Variants in ITM2B observed in about 807,000 individuals in gnomAD.
ITM2B encodes ABri/ADan amyloid peptide.
A neutral mutation model predicts 27.8 loss-of-function variants in ITM2B; 11 were observed. The observed-to-expected ratio is 0.40, with a 90% CI of 0.25 to 0.66. The LOEUF (loss-of-function observed/expected upper bound fraction) is 0.66. Among genes scored for constraint, ITM2B ranks in the 30% least tolerant of loss-of-function variants. ITM2B has a pLI of 0.43. For synonymous variants in ITM2B, 114 were observed against 114.3 expected (o/e 1.00, Z 0.02); for missense variants, 296 against 328.9 (o/e 0.90, Z 0.77).
At chr13:48,241,355 G>T (rs1241785037) in intron 1 of ITM2B, among the ~76,000 whole-genome samples, 1 of 152,096 alleles carries the variant, frequency 6.6e-6, no homozygotes, top group Non-Finnish European at 1.5e-5. Context: ...GGGATTACAG[G>T]TGCCCACCAC....
At chr13:48,247,540 A>G (rs918224738) in intron 1 of ITM2B, among the ~76,000 whole-genome samples, 1 of 152,184 alleles carries the variant, frequency 6.6e-6, no homozygotes, top group African/African-American at 2.4e-5. Context: ...GCCTAAGAAT[A>G]TAAAGTGATT....
rs960274382 is a variant in ITM2B, at chr13:48,269,548, C to T, written c.*8324C>T. 1 of 145,476 alleles carries T rather than the reference C, an allele frequency of 6.9e-6. No individual in the cohort carries two copies. Among genetic ancestry groups the T allele is most frequent in the African/African-American group, 2.9e-5 (1 of 34,864 alleles). 9.0% of individuals were successfully genotyped at this position (145,476 alleles called of 1,614,324 possible). On this transcript the variant is annotated 3_prime_UTR_variant, in exon 6 of 6. Coordinates refer to ENST00000647800, the MANE Select transcript of ITM2B (RefSeq NM_021999.5). ...TTCTTACATCACCTCCTGTAACTCT[C>T]CCCCTTTCTCACTCCTCTACAGCCA...
intron 3 of ITM2B, among the ~76,000 whole-genome samples, chr13:48,257,484 C>T (rs936347802): frequency 6.6e-6 from 1 of 152,234 alleles, no homozygotes; most frequent in African/African-American, 2.4e-5. Context: ...GCAAACATTT[C>T]GTGCCTGATA....
intron 1 of ITM2B, 110 bp from the exon 2 acceptor site, chr13:48,253,698 T>G (rs1197257169): frequency 4.5e-6 from 5 of 1,104,534 alleles, no homozygotes; most frequent in Non-Finnish European, 6.9e-6. Context: ...ACTCCTTTGG[T>G]CTTTGTGTCT....
Position 48,233,320 on chromosome 13 carries a change from C to T in ITM2B, c.-41C>T. The stretch of plus-strand genomic sequence containing the variant: ...AGCCGGGAGCCCGCAGCCCGCGCCC[C>T]GAGCCCGCCGCCGCCCTTCGAGGGC... On this transcript the variant is annotated 5_prime_UTR_variant, in exon 1 of 6. Coordinates refer to ENST00000647800, the MANE Select transcript of ITM2B (RefSeq NM_021999.5). 1.5e-6 allele frequency: 2 copies of T among 1,361,756 alleles called. No individual in the cohort carries two copies. Among genetic ancestry groups the T allele is most frequent in the Non-Finnish European group, 2.0e-6 (2 of 994,918 alleles). 84.4% of individuals were successfully genotyped at this position (1,361,756 alleles called of 1,614,324 possible).
intron 1 of ITM2B, among the ~76,000 whole-genome samples, chr13:48,236,188 T>G (rs1251841469): frequency 6.6e-6 from 1 of 152,220 alleles, no homozygotes; most frequent in Non-Finnish European, 1.5e-5. Flanking sequence ...CCTCCTCTCC[T>G]AGTAGGCATA....
chr13:48,241,629 T>C (rs1261967470), intron 1 of ITM2B, among the ~76,000 whole-genome samples: 1 of 152,220 alleles, frequency 6.6e-6, no homozygotes, highest in East Asian at 1.9e-4. Flanking sequence ...TTTTGCTTTA[T>C]GTAGGTTATA....
At chr13:48,253,783 T>C (rs1321815255) in intron 1 of ITM2B, 25 bp from the exon 2 acceptor site, 1 of 1,610,632 alleles carries the variant, frequency 6.2e-7, no homozygotes, top group South Asian at 1.1e-5. Context: ...AGATAAGATA[T>C]TTAACTGTCT....
chr13:48,240,746 C>T (rs1202083897), intron 1 of ITM2B, among the ~76,000 whole-genome samples: 2 of 152,102 alleles, frequency 1.3e-5, no homozygotes, highest in African/African-American at 4.8e-5. Flanking sequence ...TATAGTCCTG[C>T]CCTATGTCAG....
chr13:48,261,256 A>G lies in ITM2B; in HGVS notation c.*32A>G. On this transcript the variant is annotated 3_prime_UTR_variant, in exon 6 of 6. Transcript: ENST00000647800. ...AAGAAAAACATTATTGAGGAAAATTAATATCACAGCATAACCCCACCCTTT... is the reference window on the plus strand; with the variant it reads ...AAGAAAAACATTATTGAGGAAAATTGATATCACAGCATAACCCCACCCTTT... The G allele has an allele frequency of 7.1e-7, 1 of 1,406,290 alleles. No homozygotes were observed. Among genetic ancestry groups the G allele is most frequent in the Non-Finnish European group, 1.0e-6 (1 of 991,166 alleles). 87.1% of individuals were successfully genotyped at this position (1,406,290 alleles called of 1,614,324 possible).
In ITM2B at chr13:48,264,006, A is replaced by G. The variant is rs950820852; in HGVS notation, c.*2782A>G. 6.6e-6 allele frequency: 1 copy of G among 152,082 alleles called. No homozygotes were observed. Among genetic ancestry groups the G allele is most frequent in the Non-Finnish European group, 1.5e-5 (1 of 68,020 alleles). 9.4% of individuals were successfully genotyped at this position (152,082 alleles called of 1,614,324 possible). On this transcript the variant is annotated 3_prime_UTR_variant, in exon 6 of 6. Coordinates refer to ENST00000647800, the MANE Select transcript of ITM2B (RefSeq NM_021999.5). ...GATAGCTCTAGTTTGCTGCTTTGCA[A>G]CACATTCTGCCCCTATTGCATTGGT...
Position 48,268,310 on chromosome 13 carries a change from T to A in ITM2B, c.*7086T>A, listed in dbSNP as rs981066370. 4.0e-5 allele frequency: 6 copies of A among 151,602 alleles called. No individual in the cohort carries two copies. Among genetic ancestry groups the A allele is most frequent in the African/African-American group, 4.8e-5 (2 of 41,242 alleles). The allele number at this position is 151,602 out of a possible 1,614,324, so 9.4% of individuals were successfully genotyped here. ...TGCTTTTTAAATTTATTTTTTATTTTTTTTTTTTTGAGACAGAGTCTGGCT... is the reference window on the plus strand; with the variant it reads ...TGCTTTTTAAATTTATTTTTTATTTATTTTTTTTTGAGACAGAGTCTGGCT... On this transcript the variant is annotated 3_prime_UTR_variant, in exon 6 of 6. Transcript: ENST00000647800.
intron 3 of ITM2B, among the ~76,000 whole-genome samples, 188 bp from the exon 4 acceptor site, chr13:48,257,938 G>C (rs1951799460): frequency 6.6e-6 from 1 of 152,062 alleles, no homozygotes; most frequent in Non-Finnish European, 1.5e-5. Flanking sequence ...TTTACTGGTA[G>C]CAATATTTTT....
intron 1 of ITM2B, among the ~76,000 whole-genome samples, chr13:48,252,786 A>G (rs1175604957): frequency 6.6e-6 from 1 of 152,230 alleles, no homozygotes; most frequent in Non-Finnish European, 1.5e-5. Context: ...ATGTACTTCA[A>G]AGAGGCTGTT....
intron 1 of ITM2B, among the ~76,000 whole-genome samples, chr13:48,250,963 T>G (rs529010994): frequency 7.2e-5 from 11 of 152,336 alleles, no homozygotes; most frequent in Non-Finnish European, 1.6e-4. Context: ...TTCACGTTGT[T>G]GAGGTGCTGA....
rs1376746549 is a variant in ITM2B at position 48,265,654 on chromosome 13, C to T, written c.*4430C>T. The T allele has an allele frequency of 1.3e-5, 2 of 152,698 alleles. No individual in the cohort carries two copies. The highest frequency in any genetic ancestry group is 4.8e-5 in the African/African-American group (2 of 41,456). The allele number at this position is 152,698 out of a possible 1,614,324, so 9.5% of individuals were successfully genotyped here. Reference sequence around the variant, plus strand: ...CTCCAGCTTCATCTTAATCACACCCCTCTTTGCTCCTAGTGTCCTACCACA... The same window carrying T: ...CTCCAGCTTCATCTTAATCACACCCTTCTTTGCTCCTAGTGTCCTACCACA... On this transcript the variant is annotated 3_prime_UTR_variant, in exon 6 of 6. Transcript: ENST00000647800.
At chr13:48,237,013 A>G (rs9332251) in intron 1 of ITM2B, among the ~76,000 whole-genome samples, 2,899 of 152,282 alleles carry the variant, frequency 0.019, 89 homozygotes, top group African/African-American at 0.062. Flanking sequence ...CCCATGACAA[A>G]TGGCTGTTTA....
Position 48,258,714 on chromosome 13 carries a change from G to T in ITM2B, c.565-83G>T, listed in dbSNP as rs1170911041. The T allele has an allele frequency of 4.7e-6, 6 of 1,268,584 alleles. No individual in the cohort carries two copies. In the Admixed American group the frequency reaches 1.0e-4, roughly 21 times the overall value. The allele number at this position is 1,268,584 out of a possible 1,614,324, so 78.6% of individuals were successfully genotyped here. On this transcript the variant is annotated intron_variant, in intron 4 of 5. Transcript: ENST00000647800. ...TTGGCAACCTGTTCCATACCATAATGTGTAAGAATTTTGTCTTGTTTCTCT... is the reference window on the plus strand; with the variant it reads ...TTGGCAACCTGTTCCATACCATAATTTGTAAGAATTTTGTCTTGTTTCTCT...
intron 2 of ITM2B, among the ~76,000 whole-genome samples, chr13:48,255,211 T>C (rs569277130): frequency 1.3e-5 from 2 of 149,592 alleles, no homozygotes; most frequent in South Asian, 4.3e-4. Context: ...TTAGTCTTTA[T>C]TGTGTGTGTA....
Sources: allele counts gnomAD v4.1 joint callset (sites outside exome capture counted in the v4.1 genomes callset), GRCh38; gene constraint gnomAD v4.1.1; transcripts MANE v1.5; gene names NCBI Gene and HGNC (gene_info 2026-07-23, HGNC 2026-07-21).